ZNF91: variants seen among roughly 807,000 people sequenced by gnomAD.
ZNF91 encodes the protein zinc finger protein 91 (HPF7, HTF10).
Under a neutral mutation model 12.6 loss-of-function variants are expected in ZNF91, and 7 were observed. That is an observed-to-expected ratio of 0.55 (90% CI 0.31 to 1.04). The LOEUF is 1.04. ZNF91 is among the 50% of genes least tolerant of loss of function. The pLI is 0.05. For missense variants in ZNF91, 1,217 were observed against 1,385.4 expected (o/e 0.88, Z 1.93); for synonymous variants, 453 against 462.6 (o/e 0.98, Z 0.27).
chr19:23,332,162 G>C (rs368036090), intron 1 of ZNF91, among the ~76,000 whole-genome samples: 1 of 152,162 alleles, frequency 6.6e-6, no homozygotes, highest in Non-Finnish European at 1.5e-5. Context: ...TCTTCTACCT[G>C]TGCTAGACCT....
At chr19:23,364,683 T>A (rs1053970151) in intron 3 of ZNF91, among the ~76,000 whole-genome samples, 9 of 152,102 alleles carry the variant, frequency 5.9e-5, no homozygotes, top group Admixed American at 2.0e-4. Flanking sequence ...CATAAAAAAA[T>A]ATAGATTCAG....
At chr19:23,364,634 A>G (rs1366263890) in intron 3 of ZNF91, among the ~76,000 whole-genome samples, 1 of 152,022 alleles carries the variant, frequency 6.6e-6, no homozygotes, top group Non-Finnish European at 1.5e-5. Context: ...CAGAGTTATG[A>G]TAGTTTTAAA....
intron 1 of ZNF91, among the ~76,000 whole-genome samples, chr19:23,330,942 A>G (rs944911312): frequency 2.0e-5 from 3 of 152,242 alleles, no homozygotes; most frequent in Non-Finnish European, 2.9e-5. Context: ...TGTTGTGAAT[A>G]TCCAAAATTG....
rs1968784466 is a variant in ZNF91 at position 23,361,764 on chromosome 19, G to C, written c.1215C>G (p.Leu405=). ...CTTTGCCACATTCTTCACATTTGTA[G>C]AGTTTCTCTCCAGCATGTATTATTT... is the stretch of plus-strand genomic sequence containing the variant. ...KHKIIHAGEK[L]YKCEECGKAF... Residue 405 remains leucine, a synonymous_variant, in exon 4 of 4, where the codon CTC becomes CTG. Coordinates refer to ENST00000300619, the MANE Select transcript of ZNF91 (RefSeq NM_003430.4). 1 of 1,611,004 alleles carries C rather than the reference G, an allele frequency of 6.2e-7. No homozygotes were observed. Among genetic ancestry groups the C allele is most frequent in the African/African-American group, 1.3e-5 (1 of 74,622 alleles).
intron 3 of ZNF91, among the ~76,000 whole-genome samples, chr19:23,373,346 T>TCATATATATATA (rs1491403502): frequency 1.0e-4 from 9 of 85,800 alleles, no homozygotes; most frequent in South Asian, 3.6e-4. Flanking sequence ...TCATGTAATC[T>TCATATATATATA]TATATATATA....
chr19:23,365,635 T>C (rs1048510119), intron 3 of ZNF91, among the ~76,000 whole-genome samples: 8 of 151,794 alleles, frequency 5.3e-5, no homozygotes, highest in African/African-American at 1.4e-4. Flanking sequence ...GGCAGGGTCA[T>C]AGGACAATAG....
At position 23,359,644 on chromosome 19, in the gene ZNF91, C is replaced by T. The variant is rs1306691533; in HGVS notation, c.3335G>A (p.Gly1112Asp). ...AGCTGAGGACTCTTTAAAGGCTTTG[C>T]CACATTCTCCACATTTGTAGGGTTT... ...GEKPYKCGEC[G>D]KAFKESSALT... The change falls in exon 4 of 4, where the codon GGC (glycine) becomes GAC (aspartate). Residue 1112 changes from glycine to aspartate, a missense_variant. By Grantham distance (94) the Gly-to-Asp change is moderately conservative. Around this residue, in one of 2 missense-constraint regions of ZNF91, gnomAD observed 491 missense variants for 489.8 expected, o/e 1.00. Transcript: ENST00000300619. 3 of 1,613,880 alleles carry T rather than the reference C, an allele frequency of 1.9e-6. No individual in the cohort carries two copies. Among genetic ancestry groups the T allele is most frequent in the Non-Finnish European group, 2.5e-6 (3 of 1,179,982 alleles).
At chr19:23,331,953 AT>A in intron 1 of ZNF91, among the ~76,000 whole-genome samples, 1 of 152,342 alleles carries the variant, frequency 6.6e-6, no homozygotes, top group Admixed American at 6.5e-5. Context: ...TCTTCAGAAA[AT>A]TAAATAAACA....
At chr19:23,335,530 G>A (rs1010063275), downstream of ZNF91, among the ~76,000 whole-genome samples, 4 of 152,112 alleles carry the variant, frequency 2.6e-5, no homozygotes, top group Admixed American at 1.3e-4. Flanking sequence ...GATGGTGGAC[G>A]CCCCTCCCCC....
chr19:23,332,185 T>C (rs901995855), intron 1 of ZNF91, among the ~76,000 whole-genome samples: 4 of 152,216 alleles, frequency 2.6e-5, no homozygotes, highest in Non-Finnish European at 5.9e-5. Flanking sequence ...TATTAATCGA[T>C]AGGAATCCAG....
chr19:23,309,956 G>A (rs537641987), intron 1 of ZNF91, among the ~76,000 whole-genome samples: 2 of 152,226 alleles, frequency 1.3e-5, no homozygotes, highest in East Asian at 1.9e-4. Context: ...ACACATGGAT[G>A]CAGTCCACAG....
At chr19:23,362,819 T>A in intron 3 of ZNF91, 94 bp from the exon 4 acceptor site, 1 of 1,289,398 alleles carries the variant, frequency 7.8e-7, no homozygotes, top group Non-Finnish European at 9.8e-7. Context: ...TTATACAAAC[T>A]ACATAAACAA....
At chr19:23,363,841 C>G (rs1373225637) in intron 3 of ZNF91, among the ~76,000 whole-genome samples, 1 of 151,786 alleles carries the variant, frequency 6.6e-6, no homozygotes, top group Non-Finnish European at 1.5e-5. Context: ...TTCAAAAAAG[C>G]AGAAATTGTG....
chr19:23,309,001 G>C (rs576614542), exon 2 of ZNF91: 1 of 151,532 alleles, frequency 6.6e-6, no homozygotes, highest in South Asian at 2.1e-4. Flanking sequence ...CACCTAGAAG[G>C]TGCAACTTTT....
At chr19:23,335,766 C>A (rs768200109), downstream of ZNF91, among the ~76,000 whole-genome samples, 1 of 152,158 alleles carries the variant, frequency 6.6e-6, no homozygotes, top group Non-Finnish European at 1.5e-5. Flanking sequence ...CGACCCCTTG[C>A]GCTTTCTGGG....
At chr19:23,310,646 C>T (rs1489731306), upstream of ZNF91, 2 of 152,190 alleles carry the variant, frequency 1.3e-5, no homozygotes, top group South Asian at 2.1e-4. Context: ...TTTGACTCTC[C>T]TTATGTGGGC....
chr19:23,325,454 C>T (rs1967818049), intron 1 of ZNF91: 1 of 152,266 alleles, frequency 6.6e-6, no homozygotes, highest in East Asian at 1.9e-4. Flanking sequence ...GCCCTCTCCT[C>T]TAACCTATAA....
Position 23,360,590 on chromosome 19 carries a change from G to A in ZNF91, c.2389C>T (p.Pro797Ser). ...RHKRIHTGEK[P>S]YKCEECGKAF... ...TTGCCACATTCTTCACATTTGTAGG[G>A]CTTCTCTCCAGTGTGTATCCTCTTA... The change falls in exon 4 of 4, where the codon CCC (proline) becomes TCC (serine). Residue 797 changes from proline (P) to serine (S), a missense_variant. This residue lies in a region of ZNF91 where 491 missense variants were observed against 489.8 expected (regional missense o/e 1.00). Transcript: ENST00000300619. The A allele has an allele frequency of 6.2e-7, 1 of 1,613,918 alleles. No individual in the cohort carries two copies. Among genetic ancestry groups the A allele is most frequent in the South Asian group, 1.1e-5 (1 of 91,068 alleles).
At chr19:23,368,196 A>G (rs1021299749) in intron 3 of ZNF91, among the ~76,000 whole-genome samples, 1 of 151,976 alleles carries the variant, frequency 6.6e-6, no homozygotes, top group African/African-American at 2.4e-5. Flanking sequence ...GCCCAGCCGC[A>G]TAAATTTTTA....
Sources: allele counts gnomAD v4.1 joint callset (sites outside exome capture counted in the v4.1 genomes callset), GRCh38; gene constraint gnomAD v4.1.1; regional missense constraint gnomAD v4.1.1; transcripts MANE v1.5; gene names NCBI Gene and HGNC (gene_info 2026-07-23, HGNC 2026-07-21).